WIF1: variants seen among roughly 807,000 people sequenced by gnomAD.
WIF1 encodes Wnt inhibitory factor 1.
Under a neutral mutation model 53.5 loss-of-function variants are expected in WIF1, and 35 were observed. The observed-to-expected ratio is 0.65, with a 90% CI of 0.50 to 0.87. WIF1 has a LOEUF of 0.87. Among genes scored for constraint, WIF1 ranks in the 40% least tolerant of loss-of-function variants. WIF1 has a pLI of 0.00. For missense variants in WIF1, 467 were observed against 476.8 expected (o/e 0.98, Z 0.19); for synonymous variants, 171 against 170.4 (o/e 1.00, Z -0.03).
intron 2 of WIF1, among the ~76,000 whole-genome samples, chr12:65,106,292 G>A (rs1032698741): frequency 6.6e-6 from 1 of 151,976 alleles, no homozygotes; most frequent in African/African-American, 2.4e-5. Context: ...GTTATACTGG[G>A]AAGACAGATT....
At chr12:65,080,913 T>C (rs950400683) in intron 2 of WIF1, among the ~76,000 whole-genome samples, 6 of 152,170 alleles carry the variant, frequency 3.9e-5, no homozygotes, top group African/African-American at 1.2e-4. Context: ...CTATGTGTGA[T>C]ATATTTAAAA....
intron 2 of WIF1, among the ~76,000 whole-genome samples, chr12:65,107,449 C>A (rs945082255): frequency 4.6e-5 from 7 of 152,170 alleles, no homozygotes. Flanking sequence ...CATGCTGAAA[C>A]CCTGTCTCTA....
chr12:65,102,576 A>G (rs1484378195), intron 2 of WIF1, among the ~76,000 whole-genome samples: 1 of 152,222 alleles, frequency 6.6e-6, no homozygotes, highest in Non-Finnish European at 1.5e-5. Context: ...AGACACACAC[A>G]GAATAATGTA....
At chr12:65,120,686 C>G in intron 1 of WIF1, 130 bp from the exon 2 acceptor site, 2 of 1,042,614 alleles carry the variant, frequency 1.9e-6, no homozygotes, top group Non-Finnish European at 2.7e-6. Flanking sequence ...GCCTTCAGTA[C>G]CATCAACGCT....
intron 3 of WIF1, among the ~76,000 whole-genome samples, chr12:65,072,610 A>G (rs1350356765): frequency 2.0e-5 from 3 of 152,204 alleles, no homozygotes; most frequent in African/African-American, 7.2e-5. Flanking sequence ...ACTTCCACAC[A>G]TGCACATACC....
intron 9 of WIF1, among the ~76,000 whole-genome samples, chr12:65,054,725 G>A (rs1882497603): frequency 6.6e-6 from 1 of 152,140 alleles, no homozygotes; most frequent in Admixed American, 6.5e-5. Context: ...GAGGTAAGGA[G>A]ACACTGATTC....
chr12:65,071,944 A>G (rs1292230451), intron 3 of WIF1, among the ~76,000 whole-genome samples: 3 of 152,188 alleles, frequency 2.0e-5, no homozygotes, highest in Non-Finnish European at 2.9e-5. Flanking sequence ...CCATACCATT[A>G]CACTTTCCCA....
intron 2 of WIF1, among the ~76,000 whole-genome samples, chr12:65,114,692 A>T (rs73312857): frequency 9.2e-5 from 14 of 152,200 alleles, no homozygotes; most frequent in African/African-American, 3.4e-4. Flanking sequence ...CATATCTAAT[A>T]TTTTCTATTT....
At chr12:65,098,979 A>C (rs1198974938) in intron 2 of WIF1, among the ~76,000 whole-genome samples, 1 of 152,170 alleles carries the variant, frequency 6.6e-6, no homozygotes. Context: ...AATTCTAAGC[A>C]AGCCCTTAGC....
chr12:65,072,181 G>A lies in WIF1; in HGVS notation c.398-3277C>T, dbSNP rs150804453. Among the ~76,000 whole-genome samples, 44 of 152,128 alleles carry A rather than the reference G, an allele frequency of 2.9e-4. No individual in the cohort carries two copies. The South Asian group carries it at 8.3e-3, about 29-fold the overall frequency. The stretch of plus-strand genomic sequence containing the variant: ...GCCTTTTGTCAACTCTGTGCTCTGC[G>A]CAAACTATTTCTCTCAGTTCCCCAA... On this transcript the variant is annotated intron_variant, in intron 3 of 9. Transcript: ENST00000286574.
At chr12:65,115,197 G>T (rs1316034566) in intron 2 of WIF1, among the ~76,000 whole-genome samples, 1 of 135,940 alleles carries the variant, frequency 7.4e-6, no homozygotes, top group South Asian at 2.4e-4. Flanking sequence ...AAAAAAAAAG[G>T]CAACATCAAA....
chr12:65,118,804 C>G (rs1241866904), intron 2 of WIF1, among the ~76,000 whole-genome samples: 3 of 152,058 alleles, frequency 2.0e-5, no homozygotes, highest in Non-Finnish European at 4.4e-5. Context: ...TAAGCCTTTG[C>G]TTCAAATTCT....
chr12:65,068,904 A>T lies in WIF1; in HGVS notation c.398T>A (p.Val133Asp). ...LLGTVPHKAS[V>D]VQVGFPCLGK... Reference sequence around the variant, plus strand: ...AAGACATGGGAAACCAACTTGAACAACTAAAAGAAAAAAAGAGAAAGTGTG... The same window carrying T: ...AAGACATGGGAAACCAACTTGAACATCTAAAAGAAAAAAAGAGAAAGTGTG... The change falls in exon 4 of 10, where the codon GTT (valine) becomes GAT (aspartate). Residue 133 changes from valine (V) to aspartate (D), a missense_variant and splice_region_variant. Physicochemically the swap from Val to Asp is radical, Grantham distance 152 (BLOSUM62 -3). Coordinates refer to ENST00000286574, the MANE Select transcript of WIF1 (RefSeq NM_007191.5). 1 of 1,610,886 alleles carries T rather than the reference A, an allele frequency of 6.2e-7. No homozygotes were observed. The highest frequency in any genetic ancestry group is 8.5e-7 in the Non-Finnish European group (1 of 1,179,022).
At chr12:65,075,324 CTCCTG>C (rs767150860) in intron 3 of WIF1, among the ~76,000 whole-genome samples, 1 of 152,166 alleles carries the variant, frequency 6.6e-6, no homozygotes, top group Non-Finnish European at 1.5e-5. Context: ...AGTATCTGAT[CTCCTG>C]ATTACTTTAG....
intron 3 of WIF1, among the ~76,000 whole-genome samples, chr12:65,073,193 C>CAACATA (rs1882809852): frequency 6.6e-6 from 1 of 152,136 alleles, no homozygotes; most frequent in Non-Finnish European, 1.5e-5. Context: ...TAGAAATATC[C>CAACATA]AACATAAATA....
At chr12:65,071,891 T>A (rs181470528) in intron 3 of WIF1, among the ~76,000 whole-genome samples, 2 of 152,318 alleles carry the variant, frequency 1.3e-5, no homozygotes, top group Admixed American at 1.3e-4. Context: ...GATCAACAAT[T>A]AATTTTTAAT....
intron 2 of WIF1, among the ~76,000 whole-genome samples, chr12:65,096,418 G>C (rs2136632866): frequency 6.6e-6 from 1 of 152,304 alleles, no homozygotes; most frequent in Non-Finnish European, 1.5e-5. Context: ...CTGTTGGTGG[G>C]AGTGTAAATT....
chr12:65,071,670 C>T (rs919182311), intron 3 of WIF1, among the ~76,000 whole-genome samples: 11 of 152,006 alleles, frequency 7.2e-5, no homozygotes, highest in African/African-American at 2.4e-4. Context: ...TAAAAATGAA[C>T]ACATTAAAAA....
At chr12:65,113,344 T>C (rs2136295071) in intron 2 of WIF1, among the ~76,000 whole-genome samples, 1 of 152,334 alleles carries the variant, frequency 6.6e-6, no homozygotes, top group Admixed American at 6.5e-5. Context: ...GTTAAATCAG[T>C]TTGATCCAAA....
Sources: gnomAD v4.1 joint callset for allele counts (sites outside exome capture counted in the v4.1 genomes callset) on GRCh38, gnomAD v4.1.1 for gene constraint, MANE v1.5 for transcripts, NCBI Gene and HGNC (gene_info 2026-07-23, HGNC 2026-07-21) for gene names.